CNTNAP2: variants seen among roughly 807,000 people sequenced by gnomAD.
The protein encoded by CNTNAP2 is contactin-associated protein-like 2.
Under a neutral mutation model 155.2 loss-of-function variants are expected in CNTNAP2, and 98 were observed. The ratio of observed to expected loss-of-function variants is 0.63; its 90% CI spans 0.54 to 0.75. CNTNAP2 has a LOEUF of 0.75. Ranked by LOEUF, CNTNAP2 falls within the 30% of genes least tolerant of loss-of-function variation. The pLI is 0.00. For missense variants in CNTNAP2, 1,727 were observed against 1,688.1 expected, an observed-to-expected ratio of 1.02 and a Z score of -0.40; for synonymous variants, 651 against 631.2, an observed-to-expected ratio of 1.03 and a Z score of -0.47.
intron 1 of CNTNAP2, among the ~76,000 whole-genome samples, chr7:146,201,786 A>G (rs936672180): frequency 6.6e-6 from 1 of 152,140 alleles, no homozygotes; most frequent in Admixed American, 6.6e-5. Flanking sequence ...TTTGTGAAAT[A>G]TATTTAAATA....
At chr7:146,384,523 A>G (rs1002370835) in intron 1 of CNTNAP2, among the ~76,000 whole-genome samples, 10 of 152,202 alleles carry the variant, frequency 6.6e-5, no homozygotes, top group African/African-American at 2.2e-4. Flanking sequence ...GAGCTACCAT[A>G]TCCTCTGTAA....
At chr7:146,544,331 A>T (rs1384305864) in intron 1 of CNTNAP2, among the ~76,000 whole-genome samples, 1 of 151,934 alleles carries the variant, frequency 6.6e-6, no homozygotes, top group Non-Finnish European at 1.5e-5. Flanking sequence ...TAGGCATTTT[A>T]CATTTTCACC....
At chr7:148,293,173 C>T (rs186530930) in intron 21 of CNTNAP2, among the ~76,000 whole-genome samples, 69 of 152,270 alleles carry the variant, frequency 4.5e-4, no homozygotes, top group African/African-American at 1.6e-3. Context: ...TCACCACCAC[C>T]TCAATACATG....
chr7:148,281,391 T>C (rs1796971435), intron 21 of CNTNAP2, among the ~76,000 whole-genome samples: 1 of 152,240 alleles, frequency 6.6e-6, no homozygotes, highest in African/African-American at 2.4e-5. Context: ...GGCAAATAGT[T>C]AATTGAAATT....
intron 9 of CNTNAP2, among the ~76,000 whole-genome samples, chr7:147,301,937 C>A (rs779403832): frequency 6.6e-6 from 1 of 152,050 alleles, no homozygotes; most frequent in Non-Finnish European, 1.5e-5. Flanking sequence ...TAATTAGTGA[C>A]AAGTTAGAGA....
At chr7:147,864,644 A>G (rs1293115292) in intron 13 of CNTNAP2, among the ~76,000 whole-genome samples, 3 of 152,142 alleles carry the variant, frequency 2.0e-5, no homozygotes, top group Admixed American at 6.5e-5. Flanking sequence ...GGTCCTTCAC[A>G]TCCCTTGTAA....
At chr7:148,388,805 C>T (rs916855971) in intron 22 of CNTNAP2, among the ~76,000 whole-genome samples, 36 of 152,128 alleles carry the variant, frequency 2.4e-4, no homozygotes, top group Non-Finnish European at 7.3e-5. Flanking sequence ...CACTCCAGAC[C>T]CTGTTTGCCT....
At chr7:147,558,978 A>G (rs375124705) in intron 11 of CNTNAP2, among the ~76,000 whole-genome samples, 98 of 152,176 alleles carry the variant, frequency 6.4e-4, no homozygotes, top group African/African-American at 2.3e-3. Flanking sequence ...CTTGACCTTC[A>G]GCCCACGTTG....
chr7:148,257,290 G>A (rs534506422), intron 20 of CNTNAP2, among the ~76,000 whole-genome samples: 86 of 152,290 alleles, frequency 5.6e-4, no homozygotes, highest in African/African-American at 1.9e-3. Flanking sequence ...CTTTCCCTTC[G>A]TAAAGGCATC....
intron 1 of CNTNAP2, among the ~76,000 whole-genome samples, chr7:146,224,290 T>A (rs1414042747): frequency 6.6e-6 from 1 of 152,162 alleles, no homozygotes; most frequent in Non-Finnish European, 1.5e-5. Flanking sequence ...AGGAGTTAAA[T>A]GAAAATACTG....
intron 1 of CNTNAP2, among the ~76,000 whole-genome samples, chr7:146,249,180 G>A: frequency 6.6e-6 from 1 of 152,156 alleles, no homozygotes; most frequent in African/African-American, 2.4e-5. Flanking sequence ...TGTACGTGCA[G>A]GTCACAGGGG....
chr7:146,455,767 T>G (rs752425151), intron 1 of CNTNAP2, among the ~76,000 whole-genome samples: 1 of 152,214 alleles, frequency 6.6e-6, no homozygotes, highest in Non-Finnish European at 1.5e-5. Context: ...CTGCATATTT[T>G]AATAGCTTTT....
intron 1 of CNTNAP2, among the ~76,000 whole-genome samples, chr7:146,559,218 C>A (rs918406186): frequency 6.6e-6 from 1 of 151,980 alleles, no homozygotes; most frequent in Admixed American, 6.6e-5. Context: ...TACATACACA[C>A]ACACACACAT....
At chr7:147,780,033 G>A (rs1487321701) in intron 13 of CNTNAP2, among the ~76,000 whole-genome samples, 1 of 152,130 alleles carries the variant, frequency 6.6e-6, no homozygotes, top group East Asian at 1.9e-4. Flanking sequence ...CATACCTTGT[G>A]TAATTCCTGT....
At chr7:147,601,421 G>C (rs1438198550) in intron 12 of CNTNAP2, among the ~76,000 whole-genome samples, 3 of 151,934 alleles carry the variant, frequency 2.0e-5, no homozygotes, top group Non-Finnish European at 4.4e-5. Context: ...CAGTGGGGGA[G>C]CTTTTGAGCC....
chr7:146,277,626 A>T (rs1800184653), intron 1 of CNTNAP2, among the ~76,000 whole-genome samples: 1 of 152,224 alleles, frequency 6.6e-6, no homozygotes, highest in Non-Finnish European at 1.5e-5. Context: ...TTAAGAAGTC[A>T]GGCATGTTTG....
intron 3 of CNTNAP2, among the ~76,000 whole-genome samples, chr7:146,970,231 G>GCTT (rs1236912540): frequency 6.6e-6 from 1 of 152,106 alleles, no homozygotes; most frequent in African/African-American, 2.4e-5. Flanking sequence ...AAACCAAAGA[G>GCTT]CTTCTGCACA....
At chr7:146,302,612 G>C (rs1461514521) in intron 1 of CNTNAP2, among the ~76,000 whole-genome samples, 1 of 152,100 alleles carries the variant, frequency 6.6e-6, no homozygotes, top group East Asian at 1.9e-4. Flanking sequence ...TTGGAGTTGA[G>C]ATATGAAAAG....
chr7:147,709,462 T>C (rs1199487782), intron 13 of CNTNAP2, among the ~76,000 whole-genome samples: 3 of 152,196 alleles, frequency 2.0e-5, no homozygotes. Context: ...GAGCTCTTTT[T>C]GTAAAGATGC....
Sources: gnomAD v4.1 joint callset for allele counts (sites outside exome capture counted in the v4.1 genomes callset) on GRCh38, gnomAD v4.1.1 for gene constraint, MANE v1.5 for transcripts, NCBI Gene and HGNC (gene_info 2026-07-23, HGNC 2026-07-21) for gene names.